GADL1: variants seen among roughly 807,000 people sequenced by gnomAD.
GADL1 encodes GAD like acidic amino acid decarboxylase 1.
Under a neutral mutation model 69.5 loss-of-function variants are expected in GADL1, and 71 were observed. The observed-to-expected ratio is 1.02, with a 90% CI of 0.84 to 1.25. The LOEUF (loss-of-function observed/expected upper bound fraction) is 1.25, where lower values mean the gene tolerates loss of function less well. Ranked by LOEUF, GADL1 falls within the 50% of genes most tolerant of loss-of-function variation. The pLI is 0.00. For missense variants in GADL1, 737 were observed against 631.8 expected (o/e 1.17, Z -1.79); for synonymous variants, 254 against 214.4 (o/e 1.18, Z -1.62).
rs143370090 is a variant in GADL1, at chr3:30,823,401, C to A, written c.1050+10452G>T. Among the ~76,000 whole-genome samples, 76 of 152,076 alleles carry A rather than the reference C, an allele frequency of 5.0e-4. No homozygotes were observed. In the South Asian group the frequency reaches 8.7e-3, roughly 17 times the overall value. On this transcript the variant is annotated intron_variant, in intron 11 of 14. Transcript: ENST00000282538. ...GTTATTAAGGCCAAGAAAGAAATCCCTTTTCTTGTTTGGGACCCAAAGGTC... is the reference window on the plus strand; with the variant it reads ...GTTATTAAGGCCAAGAAAGAAATCCATTTTCTTGTTTGGGACCCAAAGGTC...
chr3:30,854,109 A>C (rs1376552466), intron 4 of GADL1, among the ~76,000 whole-genome samples: 1 of 152,120 alleles, frequency 6.6e-6, no homozygotes, highest in African/African-American at 2.4e-5. Context: ...GTCCTGCCAC[A>C]GGGCCTTTAT....
intron 1 of GADL1, among the ~76,000 whole-genome samples, chr3:30,871,527 G>A (rs1447496818): frequency 1.3e-5 from 2 of 151,758 alleles, no homozygotes; most frequent in Non-Finnish European, 2.9e-5. Context: ...GTAAGTCTAT[G>A]TTCTAAAAAT....
intron 4 of GADL1, among the ~76,000 whole-genome samples, chr3:30,852,654 A>G (rs920481899): frequency 6.6e-6 from 1 of 151,886 alleles, no homozygotes; most frequent in Admixed American, 6.6e-5. Flanking sequence ...AAAAAAAAAA[A>G]GTATTTAGCC....
In GADL1 at chr3:30,865,724, T is replaced by C. The variant is rs928947443; in HGVS notation, c.38-3959A>G. ...CTCTTCATTATTAAAGGAAACTGGC[T>C]GCAAGACCCTCCCTTTCCTTTCCTC... On this transcript the variant is annotated intron_variant, in intron 1 of 14. Transcript: ENST00000282538. Among the ~76,000 whole-genome samples, 8 of 152,046 alleles carry C rather than the reference T, an allele frequency of 5.3e-5. No individual in the cohort carries two copies. In the South Asian group the frequency reaches 1.7e-3, roughly 32 times the overall value.
intron 1 of GADL1, among the ~76,000 whole-genome samples, chr3:30,891,207 C>T (rs1351911333): frequency 1.3e-5 from 2 of 152,050 alleles, no homozygotes; most frequent in African/African-American, 2.4e-5. Context: ...GAGTTCATCC[C>T]TTGGGATGCT....
intron 14 of GADL1, among the ~76,000 whole-genome samples, chr3:30,763,112 A>G (rs1696181791): frequency 6.6e-6 from 1 of 152,148 alleles, no homozygotes; most frequent in Non-Finnish European, 1.5e-5. Context: ...AAATAGGTAA[A>G]GTCATGTGTC....
At chr3:30,832,313 T>C (rs1697805299) in intron 11 of GADL1, among the ~76,000 whole-genome samples, 1 of 151,116 alleles carries the variant, frequency 6.6e-6, no homozygotes, top group Admixed American at 6.6e-5. Flanking sequence ...GGTTTTATTG[T>C]CACTAAGATT....
At chr3:30,824,707 C>G (rs1194077260) in intron 11 of GADL1, among the ~76,000 whole-genome samples, 1 of 150,572 alleles carries the variant, frequency 6.6e-6, no homozygotes, top group Admixed American at 6.6e-5. Context: ...CTATATGATT[C>G]TATTTGTATA....
chr3:30,861,797 G>A (rs1698324984), intron 1 of GADL1, 32 bp from the exon 2 acceptor site: 1 of 1,469,578 alleles, frequency 6.8e-7, no homozygotes, highest in Non-Finnish European at 9.2e-7. Flanking sequence ...GTGTTTGAGA[G>A]ATAATCTAAT....
At chr3:30,870,721 C>G (rs1019204805) in intron 1 of GADL1, among the ~76,000 whole-genome samples, 1 of 151,498 alleles carries the variant, frequency 6.6e-6, no homozygotes, top group African/African-American at 2.4e-5. Context: ...CGAGATGGAG[C>G]AAAGTGCTGC....
chr3:30,807,487 A>G (rs759517533), intron 11 of GADL1, among the ~76,000 whole-genome samples: 1 of 152,210 alleles, frequency 6.6e-6, no homozygotes, highest in Non-Finnish European at 1.5e-5. Flanking sequence ...AAGCTCCCAT[A>G]CTTGATGTCC....
At chr3:30,850,173 A>G in intron 5 of GADL1, 62 bp from the exon 6 acceptor site, 1 of 875,954 alleles carries the variant, frequency 1.1e-6, no homozygotes, top group Non-Finnish European at 1.9e-6. Flanking sequence ...CAAAATGCTG[A>G]ATACAGTGGA....
intron 14 of GADL1, among the ~76,000 whole-genome samples, chr3:30,770,647 C>T (rs1227015877): frequency 1.3e-5 from 2 of 152,122 alleles, no homozygotes; most frequent in Non-Finnish European, 2.9e-5. Flanking sequence ...TGGTCTCATC[C>T]TAACCTCAGG....
At chr3:30,875,929 T>C (rs547040065) in intron 1 of GADL1, among the ~76,000 whole-genome samples, 1 of 152,082 alleles carries the variant, frequency 6.6e-6, no homozygotes, top group East Asian at 1.9e-4. Flanking sequence ...AGTTTGGCAA[T>C]TGGACACGCC....
At chr3:30,868,027 G>A (rs1205301547) in intron 1 of GADL1, among the ~76,000 whole-genome samples, 1 of 151,954 alleles carries the variant, frequency 6.6e-6, no homozygotes, top group Non-Finnish European at 1.5e-5. Context: ...CACTTCTGAA[G>A]TAACAACTTC....
intron 11 of GADL1, among the ~76,000 whole-genome samples, chr3:30,815,565 G>A (rs759316153): frequency 4.6e-5 from 7 of 152,318 alleles, no homozygotes; most frequent in Non-Finnish European, 8.8e-5. Context: ...GGCTGAAAGA[G>A]GGAAAGTGTA....
intron 4 of GADL1, 145 bp downstream of exon 4, chr3:30,854,554 C>G (rs150908438): frequency 1.8e-6 from 1 of 544,746 alleles, no homozygotes; most frequent in Non-Finnish European, 3.2e-6. Flanking sequence ...TATTTGAATA[C>G]TGATAAGTAT....
At chr3:30,787,912 T>G (rs2125500658) in intron 12 of GADL1, among the ~76,000 whole-genome samples, 1 of 152,336 alleles carries the variant, frequency 6.6e-6, no homozygotes, top group Admixed American at 6.5e-5. Flanking sequence ...TTTGCAAATT[T>G]ATACAGCTTT....
At chr3:30,875,059 A>G (rs1373709966) in intron 1 of GADL1, among the ~76,000 whole-genome samples, 1 of 151,878 alleles carries the variant, frequency 6.6e-6, no homozygotes, top group African/African-American at 2.4e-5. Context: ...AAGAGATAAG[A>G]CTTGTCTTCC....
Sources: gnomAD v4.1 joint callset for allele counts (sites outside exome capture counted in the v4.1 genomes callset) on GRCh38, gnomAD v4.1.1 for gene constraint, MANE v1.5 for transcripts, NCBI Gene and HGNC (gene_info 2026-07-23, HGNC 2026-07-21) for gene names.